The following DDHD1 variants were observed in gnomAD, a reference collection of about 807,000 sequenced individuals.
The protein encoded by DDHD1 is phospholipase DDHD1.
In DDHD1, 49 loss-of-function variants were observed where a neutral mutation model predicts 96.4. The observed-to-expected ratio is 0.51, with a 90% confidence interval of 0.40 to 0.64. The LOEUF (loss-of-function observed/expected upper bound fraction) is 0.64, where lower values mean the gene tolerates loss of function less well. DDHD1 is among the 30% of genes least tolerant of loss of function. The pLI, the probability that DDHD1 is intolerant of heterozygous loss-of-function variation, is 0.00. For synonymous variants in DDHD1, 442 were observed against 446.5 expected (o/e 0.99, Z 0.13); for missense variants, 1,106 against 1,161.2 (o/e 0.95, Z 0.69).
At chr14:53,130,709 G>A (rs761851756) in intron 1 of DDHD1, among the ~76,000 whole-genome samples, 8 of 152,278 alleles carry the variant, frequency 5.3e-5, no homozygotes, top group South Asian at 2.1e-4. Context: ...AGGAATGCCC[G>A]CAGCCCGGGA....
intron 3 of DDHD1, 122 bp downstream of exon 3, chr14:53,093,192 ATC>A (rs1886582196): frequency 1.1e-5 from 10 of 945,560 alleles, no homozygotes; most frequent in South Asian, 5.9e-5. Flanking sequence ...TTAAAAAGGA[ATC>A]TGTCACTAAA....
intron 1 of DDHD1, among the ~76,000 whole-genome samples, chr14:53,151,268 T>A (rs1891337024): frequency 6.6e-6 from 1 of 152,222 alleles, no homozygotes; most frequent in Admixed American, 6.5e-5. Context: ...TCACAATCAA[T>A]GAAGACATCT....
At chr14:53,102,337 C>T (rs1205168362) in intron 2 of DDHD1, among the ~76,000 whole-genome samples, 1 of 152,026 alleles carries the variant, frequency 6.6e-6, no homozygotes, top group South Asian at 2.1e-4. Flanking sequence ...AGAAACATAC[C>T]TAGAGCTCTT....
At chr14:53,059,276 G>A (rs890504747) in intron 8 of DDHD1, among the ~76,000 whole-genome samples, 2 of 151,800 alleles carry the variant, frequency 1.3e-5, no homozygotes, top group African/African-American at 2.4e-5. Flanking sequence ...ACCGAGTCTC[G>A]CTCTGTCACC....
chr14:53,085,994 C>T (rs1885913818), intron 4 of DDHD1, among the ~76,000 whole-genome samples: 2 of 152,144 alleles, frequency 1.3e-5, no homozygotes, highest in South Asian at 4.2e-4. Flanking sequence ...ACGAGAACTA[C>T]GTGACACATG....
intron 5 of DDHD1, among the ~76,000 whole-genome samples, chr14:53,073,032 C>G (rs962033067): frequency 1.3e-5 from 2 of 151,948 alleles, no homozygotes; most frequent in Non-Finnish European, 2.9e-5. Flanking sequence ...ATATTTAGAA[C>G]AGGTGTCAAA....
Position 53,134,175 on chromosome 14 carries a change from G to C in DDHD1, c.838+18086C>G, listed in dbSNP as rs539824294. 2.6e-5 allele frequency among the ~76,000 whole-genome samples: 4 copies of C among 152,214 alleles called. No individual in the cohort carries two copies. In the East Asian group the frequency reaches 7.7e-4, roughly 29 times the overall value. ...TACTTGGACTGTGCCCCAAAACCTT[G>C]TCATCCCTCCTATCTTCTGTCTAGC... On this transcript the variant is annotated intron_variant, in intron 1 of 12. Transcript: ENST00000673822.
intron 1 of DDHD1, among the ~76,000 whole-genome samples, chr14:53,120,705 C>T (rs1010442452): frequency 6.6e-6 from 1 of 152,148 alleles, no homozygotes; most frequent in African/African-American, 2.4e-5. Context: ...GGAAAGTATT[C>T]CTTATTTAAT....
intron 1 of DDHD1, among the ~76,000 whole-genome samples, chr14:53,142,940 C>G (rs1890738069): frequency 6.6e-6 from 1 of 152,102 alleles, no homozygotes; most frequent in African/African-American, 2.4e-5. Context: ...AACAGGAGAG[C>G]CAAGAATGTC....
intron 6 of DDHD1, 75 bp downstream of exon 6, chr14:53,072,522 T>A: frequency 1.3e-6 from 1 of 787,358 alleles, no homozygotes; most frequent in African/African-American, 1.8e-5. Context: ...AAAAAAAACA[T>A]AAAATGTAAA....
intron 8 of DDHD1, among the ~76,000 whole-genome samples, chr14:53,060,552 C>T (rs972572190): frequency 4.6e-5 from 7 of 152,202 alleles, no homozygotes; most frequent in African/African-American, 1.7e-4. Flanking sequence ...GTCAGCTTTC[C>T]ATCCCTGGAA....
At chr14:53,094,843 C>CAAA (rs35080055) in intron 2 of DDHD1, among the ~76,000 whole-genome samples, 3 of 141,282 alleles carry the variant, frequency 2.1e-5, no homozygotes, top group African/African-American at 2.6e-5. Flanking sequence ...GATCCTGTCT[C>CAAA]AAAAAAAAAA....
intron 1 of DDHD1, among the ~76,000 whole-genome samples, chr14:53,108,958 C>T (rs1887902711): frequency 6.6e-6 from 1 of 152,008 alleles, no homozygotes; most frequent in African/African-American, 2.4e-5. Context: ...TTTTATATTC[C>T]TCTTAAAGTA....
chr14:53,099,274 G>A (rs763850938), intron 2 of DDHD1, among the ~76,000 whole-genome samples: 1 of 152,112 alleles, frequency 6.6e-6, no homozygotes, highest in Non-Finnish European at 1.5e-5. Context: ...TCAAAACTAA[G>A]ACATTAACAG....
At chr14:53,107,842 T>C (rs946534688) in intron 1 of DDHD1, among the ~76,000 whole-genome samples, 1 of 152,076 alleles carries the variant, frequency 6.6e-6, no homozygotes, top group Admixed American at 6.5e-5. Context: ...ACACGGGGCT[T>C]GCAACTTAGC....
rs115001048 is a variant in DDHD1 at position 53,092,919 on chromosome 14, C to T, written c.1141+397G>A. The T allele has an allele frequency of 5.9e-3, 906 of 154,232 alleles. 5 individuals are homozygous for T. The highest frequency in any genetic ancestry group is 0.01 in the African/African-American group (426 of 41,524). 9.6% of individuals were successfully genotyped at this position (154,232 alleles called of 1,614,324 possible). A position where few individuals can be genotyped will look rare whatever the true frequency, so the allele number is the denominator to read the frequency against. On this transcript the variant is annotated intron_variant, in intron 3 of 12. Transcript: ENST00000673822. The stretch of plus-strand genomic sequence containing the variant: ...CTTCCATTGCTTCACCTTCTACTTA[C>T]GCTTCAACCCATGCCGATCTGGTTT...
At chr14:53,072,472 A>AT in intron 6 of DDHD1, 125 bp downstream of exon 6, 1 of 468,112 alleles carries the variant, frequency 2.1e-6, no homozygotes, top group Non-Finnish European at 3.7e-6. Flanking sequence ...AAAGTAGGCT[A>AT]TTTATAGATT....
rs1373491422 is a variant in DDHD1 at position 53,038,823 on chromosome 14, T to C, written c.*7945A>G. ...CACAGTAACCAAAACAGCACGGCACTGGTACAATAACAGACACGTAGACCA... is the reference window on the plus strand; with the variant it reads ...CACAGTAACCAAAACAGCACGGCACCGGTACAATAACAGACACGTAGACCA... On this transcript the variant is annotated 3_prime_UTR_variant, in exon 13 of 13. Transcript: ENST00000673822. 2.0e-5 allele frequency: 3 copies of C among 152,130 alleles called. No individual in the cohort carries two copies. The highest frequency in any genetic ancestry group is 7.2e-5 in the African/African-American group (3 of 41,422). 9.4% of individuals were successfully genotyped at this position (152,130 alleles called of 1,614,324 possible).
At chr14:53,102,604 A>G (rs1887387578) in intron 2 of DDHD1, among the ~76,000 whole-genome samples, 1 of 152,046 alleles carries the variant, frequency 6.6e-6, no homozygotes, top group Admixed American at 6.6e-5. Context: ...ATTTGATATA[A>G]GCTAAACTAC....
Sources: allele counts gnomAD v4.1 joint callset (sites outside exome capture counted in the v4.1 genomes callset), GRCh38; gene constraint gnomAD v4.1.1; transcripts MANE v1.5; gene names NCBI Gene and HGNC (gene_info 2026-07-23, HGNC 2026-07-21).